Variants in DDX31 observed in about 807,000 individuals in gnomAD.
DDX31 encodes DEAD-box helicase 31.
In DDX31, 70 loss-of-function variants were observed where a neutral mutation model predicts 91.3. That is an observed-to-expected ratio of 0.77 (90% confidence interval 0.63 to 0.94). The LOEUF is 0.94. DDX31 is among the 40% of genes least tolerant of loss of function. DDX31 has a pLI of 0.00. For missense variants in DDX31, 902 were observed against 925.0 expected (o/e 0.98, Z 0.32); for synonymous variants, 362 against 350.6 (o/e 1.03, Z -0.36).
rs980382656 is a variant in DDX31, at chr9:132,595,492, A to C, written c.1995-380T>G. On this transcript the variant is annotated intron_variant, in intron 19 of 19. Transcript: ENST00000372159. The surrounding 1 kb of genome is among the most constrained non-coding windows in gnomAD (Gnocchi z 4.6). ...CAACAACATGAAGCAGTGAAAGCTC[A>C]CGGCAGCTTCCCAGTAACCCCTAAG... Among the ~76,000 whole-genome samples, 7 of 152,224 alleles carry C rather than the reference A, an allele frequency of 4.6e-5. No individual in the cohort carries two copies. The highest frequency in any genetic ancestry group is 1.9e-4 in the East Asian group (1 of 5,170).
intron 19 of DDX31, among the ~76,000 whole-genome samples, chr9:132,609,865 C>T (rs1302751198): frequency 1.3e-5 from 2 of 152,146 alleles, no homozygotes; most frequent in African/African-American, 2.4e-5. Flanking sequence ...TGTGATCCAC[C>T]CGCCTCGGCC....
At chr9:132,664,097 C>T (rs1835157090) in intron 1 of DDX31, among the ~76,000 whole-genome samples, 1 of 152,196 alleles carries the variant, frequency 6.6e-6, no homozygotes, top group South Asian at 2.1e-4. Context: ...CCATTCTGTT[C>T]ATGACCCATT....
chr9:132,609,114 C>T (rs1042942458), intron 19 of DDX31, among the ~76,000 whole-genome samples: 4 of 152,010 alleles, frequency 2.6e-5, no homozygotes, highest in Non-Finnish European at 4.4e-5. Context: ...GGCATAGCAA[C>T]GGAAAAAGTA....
chr9:132,609,615 T>C (rs554734018), intron 19 of DDX31, among the ~76,000 whole-genome samples: 2 of 152,190 alleles, frequency 1.3e-5, no homozygotes, highest in East Asian at 3.9e-4. Flanking sequence ...AACAAAGATG[T>C]GTGTTTCTTT....
rs1834816515 is a variant in DDX31 at position 132,659,766 on chromosome 9, C to T, written c.467G>A (p.Ser156Asn). Reference sequence around the variant, plus strand: ...TCTGCCTTCCAGCAACACAGGAATACTTTGCTTCTGAACACTGGGCCACCC... The same window carrying T: ...TCTGCCTTCCAGCAACACAGGAATATTTTGCTTCTGAACACTGGGCCACCC... ...MSSMTSVQKQ[S>N]IPVLLEGRDA... is the part of the protein sequence containing the mutation. The change falls in exon 5 of 20, where the codon AGT (serine) becomes AAT (asparagine). Residue 156 changes from serine (S) to asparagine (N), a missense_variant. Physicochemically the swap from Ser to Asn is conservative, Grantham distance 46. Transcript: ENST00000372159. The T allele has an allele frequency of 6.2e-7, 1 of 1,613,244 alleles. No homozygotes were observed. Among genetic ancestry groups the T allele is most frequent in the Non-Finnish European group, 8.5e-7 (1 of 1,179,610 alleles).
intron 17 of DDX31, among the ~76,000 whole-genome samples, chr9:132,623,914 C>G (rs1244986095): frequency 6.6e-6 from 1 of 152,108 alleles, no homozygotes; most frequent in African/African-American, 2.4e-5. Flanking sequence ...CACCTGTAAT[C>G]CCAGCACTTT....
chr9:132,601,419 A>C (rs1830714389), intron 19 of DDX31, among the ~76,000 whole-genome samples: 1 of 152,196 alleles, frequency 6.6e-6, no homozygotes, highest in African/African-American at 2.4e-5. Context: ...TGCCCAGTGG[A>C]CAGTGGTGCC....
intron 1 of DDX31, among the ~76,000 whole-genome samples, chr9:132,669,253 C>A: frequency 1.2e-5 from 1 of 86,290 alleles, no homozygotes; most frequent in Non-Finnish European, 2.1e-5. Flanking sequence ...GTCCACCCCG[C>A]CCGCCCCCCC....
chr9:132,611,742 A>C (rs974919175), intron 19 of DDX31, among the ~76,000 whole-genome samples: 2 of 152,146 alleles, frequency 1.3e-5, no homozygotes, highest in East Asian at 3.9e-4. Context: ...CTGGGCACTC[A>C]GCCCTTCCAT....
chr9:132,609,636 CTTT>C (rs1281075002), intron 19 of DDX31, among the ~76,000 whole-genome samples: 4 of 150,068 alleles, frequency 2.7e-5, no homozygotes, highest in African/African-American at 7.3e-5. Context: ...TTTTTTTCTT[CTTT>C]GAGACAGCGT....
intron 14 of DDX31, among the ~76,000 whole-genome samples, chr9:132,639,605 G>A (rs945053930): frequency 6.6e-6 from 1 of 152,208 alleles, no homozygotes; most frequent in Non-Finnish European, 1.5e-5. Flanking sequence ...GTGATTGTAT[G>A]CTTTTGACCT....
intron 18 of DDX31, among the ~76,000 whole-genome samples, chr9:132,614,879 G>A (rs994984698): frequency 3.3e-5 from 5 of 152,138 alleles, no homozygotes; most frequent in South Asian, 2.1e-4. Context: ...CGGGGACAGC[G>A]ACAGTTGGTT....
At chr9:132,649,107 AT>A (rs539446276) in intron 9 of DDX31, among the ~76,000 whole-genome samples, 18 of 149,456 alleles carry the variant, frequency 1.2e-4, no homozygotes, top group South Asian at 2.1e-4. Context: ...TTTTTAGCAC[AT>A]TTTTTTTTTC....
Position 132,620,590 on chromosome 9 carries a change from A to G in DDX31, c.1714-2149T>C, listed in dbSNP as rs190871082. On this transcript the variant is annotated intron_variant, in intron 17 of 19. Coordinates refer to ENST00000372159, the MANE Select transcript of DDX31 (RefSeq NM_022779.9). ...GAAAAAAATATATACAATACTTAGG[A>G]AAAAAAAAATCTTACTCCTCCCTAA... 2.6e-3 allele frequency among the ~76,000 whole-genome samples: 366 copies of G among 143,318 alleles called. 3 individuals are homozygous for G. Among genetic ancestry groups the G allele is most frequent in the South Asian group, 0.019 (90 of 4,754 alleles). The allele number at this position is 143,318 out of a possible 152,430, so 94.0% of individuals were successfully genotyped here. A position where few individuals can be genotyped will look rare whatever the true frequency, so the allele number is the denominator to read the frequency against.
intron 6 of DDX31, 62 bp from the exon 7 acceptor site, chr9:132,652,554 C>A (rs1564329596): frequency 7.5e-6 from 12 of 1,600,724 alleles, no homozygotes; most frequent in Non-Finnish European, 6.8e-6. Flanking sequence ...TCCAAACGGA[C>A]AGGACACAGG....
In DDX31 at chr9:132,594,900, A is replaced by G; in HGVS notation, c.2207T>C (p.Val736Ala). The G allele has an allele frequency of 6.2e-7, 1 of 1,613,990 alleles. No individual in the cohort carries two copies. The highest frequency in any genetic ancestry group is 1.1e-5 in the South Asian group (1 of 91,076). Residue 736 changes from valine to alanine, a missense_variant, in exon 20 of 20, where the codon GTA becomes GCA. Physicochemically the swap from Val to Ala is moderately conservative, Grantham distance 64 (BLOSUM62 0). Coordinates refer to ENST00000372159, the MANE Select transcript of DDX31 (RefSeq NM_022779.9). The stretch of plus-strand genomic sequence containing the variant: ...CTGGGAAGTCTTGCTGTCCCGCTGT[A>G]CACCTTTTTGGGTTTTTCTCCATTT... ...TLKWRKTQKG[V>A]QRDSKTSQKV
At chr9:132,659,489 G>T (rs191615239) in intron 5 of DDX31, among the ~76,000 whole-genome samples, 9 of 152,092 alleles carry the variant, frequency 5.9e-5, no homozygotes, top group Admixed American at 1.3e-4. Context: ...AATTATAGCC[G>T]AACCTGACTA....
chr9:132,650,347 C>T (rs533453209), intron 8 of DDX31, 49 bp from the exon 9 acceptor site: 2 of 1,557,570 alleles, frequency 1.3e-6, no homozygotes, highest in South Asian at 1.1e-5. Flanking sequence ...CCTTTACTAA[C>T]ATCAGACATT....
chr9:132,647,832 T>C (rs1310824678), intron 11 of DDX31, among the ~76,000 whole-genome samples: 3 of 152,186 alleles, frequency 2.0e-5, no homozygotes, highest in Non-Finnish European at 4.4e-5. Context: ...ACATTAAAAA[T>C]GCACTCAGAT....
Sources: allele counts gnomAD v4.1 joint callset (sites outside exome capture counted in the v4.1 genomes callset), GRCh38; gene constraint gnomAD v4.1.1; non-coding constraint Gnocchi (gnomAD v3.1); transcripts MANE v1.5; gene names NCBI Gene and HGNC (gene_info 2026-07-23, HGNC 2026-07-21).